Variants in FBN1 observed in about 807,000 individuals in gnomAD.
FBN1 encodes the protein fibrillin-1.
Under a neutral mutation model 365.1 loss-of-function variants are expected in FBN1, and 29 were observed. The observed-to-expected ratio is 0.08, with a 90% CI of 0.06 to 0.11. The LOEUF is 0.11. Among genes scored for constraint, FBN1 ranks in the 10% least tolerant of loss-of-function variants. The probability of loss-of-function intolerance (pLI) is 1.00; values close to 1 mark genes in which losing one functional copy is unlikely to be tolerated. For synonymous variants in FBN1, 1,210 were observed against 1,270.5 expected, an observed-to-expected ratio of 0.95 and a Z score of 1.01; for missense variants, 2,476 against 3,703.2, an observed-to-expected ratio of 0.67 and a Z score of 8.60.
At chr15:48,558,009 T>C (rs1388186199) in intron 6 of FBN1, among the ~76,000 whole-genome samples, 2 of 152,156 alleles carry the variant, frequency 1.3e-5, no homozygotes, top group Admixed American at 1.3e-4. Flanking sequence ...ACATGTGGTT[T>C]CCTATTTTTT....
At chr15:48,605,443 T>C (rs1054605591) in intron 4 of FBN1, among the ~76,000 whole-genome samples, 12 of 152,150 alleles carry the variant, frequency 7.9e-5, no homozygotes, top group African/African-American at 2.7e-4. Flanking sequence ...AAAGATCCCA[T>C]TAAAAATATT....
intron 57 of FBN1, chr15:48,428,005 A>G (rs1597518327): frequency 2.9e-6 from 2 of 688,710 alleles, no homozygotes; most frequent in African/African-American, 1.8e-5. Flanking sequence ...AGACAAGCTT[A>G]TAACTCTCTC....
At position 48,492,572 on chromosome 15, in the gene FBN1, C is replaced by T. The variant is rs746834413; in HGVS notation, c.2743G>A (p.Glu915Lys). Reference sequence around the variant, plus strand: ...TTTTTACACACTCCTGGGAACACTTCACATTCATCTATATCTAAAAAGAAA... The same window carrying T: ...TTTTTACACACTCCTGGGAACACTTTACATTCATCTATATCTAAAAAGAAA... ...GTQCEDIDEC[E>K]VFPGVCKNGL... is the part of the protein sequence containing the mutation. The change falls in exon 24 of 66, where the codon GAA (glutamate) becomes AAA (lysine). Residue 915 changes from glutamate (E) to lysine (K), a missense_variant. Physicochemically the swap from Glu to Lys is moderately conservative, Grantham distance 56. Around this residue, in one of 5 missense-constraint regions of FBN1, gnomAD observed 1,780 missense variants for 2,840.8 expected, o/e 0.63. Coordinates refer to ENST00000316623, the MANE Select transcript of FBN1 (RefSeq NM_000138.5). 2 of 1,604,266 alleles carry T rather than the reference C, an allele frequency of 1.2e-6. No homozygotes were observed. Among genetic ancestry groups the T allele is most frequent in the Non-Finnish European group, 1.7e-6 (2 of 1,171,848 alleles).
intron 10 of FBN1, among the ~76,000 whole-genome samples, 185 bp from the exon 11 acceptor site, chr15:48,516,547 G>A (rs375783743): frequency 1.2e-4 from 18 of 152,252 alleles, no homozygotes; most frequent in African/African-American, 4.1e-4. Flanking sequence ...ACCTGCAGCA[G>A]CAACCACTCT....
chr15:48,533,982 GA>G, intron 8 of FBN1, 97 bp downstream of exon 8: 1 of 1,510,170 alleles, frequency 6.6e-7, no homozygotes, highest in South Asian at 1.1e-5. Flanking sequence ...GACAAAGACA[GA>G]AGGATTTAGG....
At chr15:48,468,679 C>A in intron 36 of FBN1, 145 bp from the exon 37 acceptor site, 1 of 802,150 alleles carries the variant, frequency 1.2e-6, no homozygotes, top group South Asian at 1.5e-5. Context: ...CAGTCTTCCA[C>A]TTCAGAGATA....
At chr15:48,478,211 C>G (rs1361119933) in intron 32 of FBN1, among the ~76,000 whole-genome samples, 2 of 152,132 alleles carry the variant, frequency 1.3e-5, no homozygotes, top group Non-Finnish European at 2.9e-5. Context: ...CAAATTTGAG[C>G]CAACACTATT....
chr15:48,442,291 C>A (rs894669686), intron 49 of FBN1, among the ~76,000 whole-genome samples: 3 of 152,120 alleles, frequency 2.0e-5, no homozygotes, highest in African/African-American at 7.2e-5. Context: ...AATTTACTCC[C>A]CTCCAACCAC....
At chr15:48,421,847 T>C in intron 61 of FBN1, 105 bp downstream of exon 61, 1 of 1,215,724 alleles carries the variant, frequency 8.2e-7, no homozygotes, top group Non-Finnish European at 1.2e-6. Context: ...CACTCATATA[T>C]TTCTTTGAGC....
At chr15:48,505,648 T>C (rs759591235) in intron 15 of FBN1, among the ~76,000 whole-genome samples, 12 of 152,188 alleles carry the variant, frequency 7.9e-5, no homozygotes, top group Admixed American at 5.9e-4. Flanking sequence ...ACTAAAGCCT[T>C]GATGGAACAC....
At chr15:48,613,907 G>A (rs569001978) in intron 2 of FBN1, among the ~76,000 whole-genome samples, 2 of 152,122 alleles carry the variant, frequency 1.3e-5, no homozygotes, top group African/African-American at 4.8e-5. Context: ...CAGCCTGGGC[G>A]ACAGAGTGAG....
chr15:48,569,611 T>C (rs1036992936), intron 6 of FBN1, among the ~76,000 whole-genome samples: 2 of 152,112 alleles, frequency 1.3e-5, no homozygotes, highest in African/African-American at 4.8e-5. Flanking sequence ...ATATGATATA[T>C]CCTTACAATG....
At chr15:48,560,471 T>C (rs1009500660) in intron 6 of FBN1, among the ~76,000 whole-genome samples, 2 of 152,176 alleles carry the variant, frequency 1.3e-5, no homozygotes, top group Non-Finnish European at 2.9e-5. Flanking sequence ...GCTAGTATCA[T>C]TTAGGAGAGG....
At chr15:48,419,752 G>A (rs1407086806) in intron 63 of FBN1, among the ~76,000 whole-genome samples, 2 of 152,222 alleles carry the variant, frequency 1.3e-5, no homozygotes, top group Non-Finnish European at 2.9e-5. Context: ...CACCCGGGAA[G>A]CAGTAATTCT....
intron 50 of FBN1, among the ~76,000 whole-genome samples, chr15:48,439,414 T>C (rs1252224425): frequency 6.6e-6 from 1 of 152,238 alleles, no homozygotes; most frequent in Non-Finnish European, 1.5e-5. Flanking sequence ...AATGTTTGCT[T>C]TGCTGAGAAA....
At chr15:48,450,266 G>A (rs1010591415) in intron 45 of FBN1, among the ~76,000 whole-genome samples, 3 of 152,112 alleles carry the variant, frequency 2.0e-5, no homozygotes, top group African/African-American at 7.2e-5. Context: ...TGCAGGGGAC[G>A]AGGTCTGTCT....
chr15:48,634,652 C>A (rs2086265330), intron 2 of FBN1, among the ~76,000 whole-genome samples: 2 of 151,912 alleles, frequency 1.3e-5, no homozygotes, highest in South Asian at 2.1e-4. Flanking sequence ...TTACTTAGAC[C>A]TTGTTTACTT....
chr15:48,635,869 G>T (rs999844900), intron 2 of FBN1, among the ~76,000 whole-genome samples: 1 of 152,202 alleles, frequency 6.6e-6, no homozygotes, highest in African/African-American at 2.4e-5. Flanking sequence ...AACAGAACAT[G>T]CAAACACAAT....
chr15:48,478,651 A>C (rs1175567745), intron 32 of FBN1, among the ~76,000 whole-genome samples: 2 of 152,170 alleles, frequency 1.3e-5, no homozygotes, highest in African/African-American at 4.8e-5. Flanking sequence ...AGCCCACTTA[A>C]GCCAAGGATA....
Sources: allele counts gnomAD v4.1 joint callset (sites outside exome capture counted in the v4.1 genomes callset), GRCh38; gene constraint gnomAD v4.1.1; regional missense constraint gnomAD v4.1.1; transcripts MANE v1.5; gene names NCBI Gene and HGNC (gene_info 2026-07-23, HGNC 2026-07-21).